GVQW3: variants seen among roughly 807,000 people sequenced by gnomAD.
GVQW3 encodes GVQW motif containing 3, also known as protein GVQW3.
In GVQW3, 7 loss-of-function variants were observed where a neutral mutation model predicts 12.5. The ratio of observed to expected loss-of-function variants is 0.56; its 90% confidence interval spans 0.32 to 1.05. GVQW3 has a LOEUF of 1.05. GVQW3 is among the 50% of genes least tolerant of loss of function. GVQW3 has a pLI of 0.04. For synonymous variants in GVQW3, 71 were observed against 67.2 expected, an observed-to-expected ratio of 1.06 and a Z score of -0.28; for missense variants, 188 against 190.8, an observed-to-expected ratio of 0.99 and a Z score of 0.09.
Position 76,381,724 on chromosome 11 carries a change from A to G in GVQW3, c.-105A>G, listed in dbSNP as rs1490417055. The G allele has an allele frequency of 9.4e-7, 1 of 1,066,204 alleles. No individual in the cohort carries two copies. The highest frequency in any genetic ancestry group is 1.3e-6 in the Non-Finnish European group (1 of 770,506). 66.0% of individuals were successfully genotyped at this position (1,066,204 alleles called of 1,614,324 possible). ...TTCCCGGCGAGGCTTCTAGAAGAGC[A>G]AGAAGAGCGATATGATTACACCTGC... is the stretch of plus-strand genomic sequence containing the variant. On this transcript the variant is annotated 5_prime_UTR_variant, in exon 1 of 2. Coordinates refer to ENST00000529331, the MANE Select transcript of GVQW3 (RefSeq NM_001347885.2).
chr11:76,402,189 C>G (rs1191395041), intron 1 of GVQW3, among the ~76,000 whole-genome samples: 2 of 152,168 alleles, frequency 1.3e-5, no homozygotes, highest in Non-Finnish European at 2.9e-5. Context: ...CCTGTCCTGC[C>G]TTTGAGCTCC....
intron 1 of GVQW3, among the ~76,000 whole-genome samples, chr11:76,400,006 TACACACACACACACACACAC>T (rs60192043): frequency 7.1e-6 from 1 of 140,374 alleles, no homozygotes. Context: ...TCTCTCTGTA[TACACACACACACACACACAC>T]ACACACACAC....
rs1320149286 is a variant in GVQW3 at position 76,381,918 on chromosome 11, A to G, written c.90A>G (p.Lys30=). Residue 30 remains lysine (K), a synonymous_variant, in exon 1 of 2, where the codon AAA becomes AAG. Coordinates refer to ENST00000529331, the MANE Select transcript of GVQW3 (RefSeq NM_001347885.2). ...KSASETHHLL[K]EAYGDEVMSR... is the part of the protein sequence containing the mutation. ...CAAGTGAGACCCACCATCTTTTAAA[A>G]GAAGCTTATGGGGATGAAGTCATGT... is the stretch of plus-strand genomic sequence containing the variant. The G allele has an allele frequency of 4.6e-6, 7 of 1,536,424 alleles. No individual in the cohort carries two copies. Among genetic ancestry groups the G allele is most frequent in the Non-Finnish European group, 5.2e-6 (6 of 1,146,984 alleles).
Position 76,403,697 on chromosome 11 carries a change from A to G in GVQW3, c.503A>G (p.Asn168Ser), listed in dbSNP as rs1947011989. ...ACTATGTTGCCCAGGCTGGTCTCGA[A>G]CTCCTTGTCTCAAGGGATCCTCCCA... ...NLTMLPRLVSNSLSQGILPPW... is the reference protein window; with the variant it reads ...NLTMLPRLVSSSLSQGILPPW... Residue 168 changes from asparagine to serine, a missense_variant, in exon 2 of 2, where the codon AAC (asparagine) becomes AGC (serine). Asn to Ser is a conservative substitution (Grantham distance 46). Coordinates refer to ENST00000529331, the MANE Select transcript of GVQW3 (RefSeq NM_001347885.2). 6.2e-6 allele frequency: 3 copies of G among 481,352 alleles called. No individual in the cohort carries two copies. Among genetic ancestry groups the G allele is most frequent in the African/African-American group, 4.0e-5 (2 of 50,186 alleles). The allele number at this position is 481,352 out of a possible 1,614,324, so 29.8% of individuals were successfully genotyped here. A position where few individuals can be genotyped will look rare whatever the true frequency, so the allele number is the denominator to read the frequency against.
chr11:76,388,223 A>G (rs1946855560), intron 1 of GVQW3, among the ~76,000 whole-genome samples: 1 of 152,228 alleles, frequency 6.6e-6, no homozygotes, highest in Non-Finnish European at 1.5e-5. Flanking sequence ...TTATGTTATC[A>G]CCTATTAAAG....
intron 1 of GVQW3, among the ~76,000 whole-genome samples, chr11:76,384,469 C>T (rs1446748805): frequency 6.6e-6 from 1 of 152,150 alleles, no homozygotes; most frequent in Non-Finnish European, 1.5e-5. Flanking sequence ...ATTACAGGTG[C>T]ATGCTGCTAC....
At chr11:76,386,026 C>G (rs1946830229) in intron 1 of GVQW3, among the ~76,000 whole-genome samples, 1 of 152,228 alleles carries the variant, frequency 6.6e-6, no homozygotes, top group African/African-American at 2.4e-5. Context: ...AGTAGGAGAG[C>G]TGGCCATCTG....
chr11:76,399,356 G>A (rs552457216), intron 1 of GVQW3, among the ~76,000 whole-genome samples: 5 of 152,098 alleles, frequency 3.3e-5, no homozygotes, highest in African/African-American at 1.2e-4. Context: ...TGGCCAGGCT[G>A]ATCTCCAACT....
At chr11:76,392,264 GT>G (rs1423851796) in intron 1 of GVQW3, 1 of 152,246 alleles carries the variant, frequency 6.6e-6, no homozygotes, top group Non-Finnish European at 1.5e-5. Context: ...CAGAATGATG[GT>G]AACTGTAGCT....
chr11:76,393,821 G>T (rs1946915778), intron 1 of GVQW3, among the ~76,000 whole-genome samples: 1 of 151,948 alleles, frequency 6.6e-6, no homozygotes, highest in Admixed American at 6.6e-5. Context: ...TCACATCAGG[G>T]TAAATGGGGT....
chr11:76,392,657 C>T (rs1265721926), intron 1 of GVQW3: 1 of 152,192 alleles, frequency 6.6e-6, no homozygotes, highest in East Asian at 1.9e-4. Context: ...AGTTGATTTA[C>T]ATACAATTTT....
intron 1 of GVQW3, among the ~76,000 whole-genome samples, chr11:76,391,484 G>A (rs768463509): frequency 4.6e-5 from 7 of 152,226 alleles, no homozygotes; most frequent in Non-Finnish European, 7.3e-5. Context: ...TGGGAGACCA[G>A]GGCATTGACA....
At position 76,382,210 on chromosome 11, in the gene GVQW3, G is replaced by A. The variant is rs778181092; in HGVS notation, c.382G>A (p.Gly128Ser). ...AAAAGTTATTTCGGGTGTTTTGAAG[G>A]GTGAGCCTAAACCACGAAAACTTGA... ...SAKVISGVLK[G>S]EPKPRKLDFR... Residue 128 changes from glycine (G) to serine (S), a missense_variant, in exon 1 of 2, where the codon GGT becomes AGT. By Grantham distance (56) the Gly-to-Ser change is moderately conservative. Transcript: ENST00000529331. 39 of 1,536,020 alleles carry A rather than the reference G, an allele frequency of 2.5e-5. No homozygotes were observed. The South Asian group carries it at 4.5e-4, about 18-fold the overall frequency.
intron 1 of GVQW3, among the ~76,000 whole-genome samples, chr11:76,386,045 C>G (rs1036028150): frequency 4.6e-5 from 7 of 152,230 alleles, no homozygotes; most frequent in East Asian, 1.9e-4. Flanking sequence ...TGCAAACTTT[C>G]TCAAGCTTAA....
intron 1 of GVQW3, among the ~76,000 whole-genome samples, chr11:76,396,662 TG>T (rs1037598789): frequency 1.3e-5 from 2 of 152,182 alleles, no homozygotes; most frequent in Non-Finnish European, 2.9e-5. Context: ...TTTATAAACC[TG>T]CATACCGGCT....
chr11:76,396,291 CTAT>C (rs978225558), intron 1 of GVQW3, among the ~76,000 whole-genome samples: 8 of 151,210 alleles, frequency 5.3e-5, no homozygotes, highest in Non-Finnish European at 1.0e-4. Flanking sequence ...TTCTGTGCTG[CTAT>C]TATTATTATT....
intron 1 of GVQW3, among the ~76,000 whole-genome samples, chr11:76,398,743 G>C (rs1950127107): frequency 6.6e-6 from 1 of 152,192 alleles, no homozygotes. Context: ...TTATAGGTGT[G>C]AGCCACCATG....
intron 1 of GVQW3, among the ~76,000 whole-genome samples, chr11:76,401,816 A>G (rs1946992780): frequency 6.6e-6 from 1 of 151,868 alleles, no homozygotes; most frequent in Non-Finnish European, 1.5e-5. Context: ...AAAAGAAAGA[A>G]TTTATCTCAA....
At chr11:76,410,769 A>C (rs536358448), downstream of GVQW3, 1 of 152,412 alleles carries the variant, frequency 6.6e-6, no homozygotes, top group East Asian at 1.9e-4. Flanking sequence ...ACATCTCGGC[A>C]GGCAGGCAGG....
Sources: allele counts gnomAD v4.1 joint callset (sites outside exome capture counted in the v4.1 genomes callset), GRCh38; gene constraint gnomAD v4.1.1; transcripts MANE v1.5; gene names NCBI Gene and HGNC (gene_info 2026-07-23, HGNC 2026-07-21).